DNM2: variants seen among roughly 807,000 people sequenced by gnomAD.
DNM2 encodes dynamin-2.
DNM2 carries 15 observed loss-of-function variants against 99.0 expected under a neutral mutation model. That is an observed-to-expected ratio of 0.15 (90% CI 0.10 to 0.23). The LOEUF is 0.23. Ranked by LOEUF, DNM2 falls within the 10% of genes least tolerant of loss-of-function variation. The pLI is 1.00. For synonymous variants in DNM2, 525 were observed against 481.2 expected (o/e 1.09, Z -1.19); for missense variants, 742 against 1,189.4 (o/e 0.62, Z 5.53).
At chr19:10,751,008 G>A (rs1174584278) in intron 1 of DNM2, among the ~76,000 whole-genome samples, 2 of 152,092 alleles carry the variant, frequency 1.3e-5, no homozygotes, top group African/African-American at 2.4e-5. Flanking sequence ...GGGGAGCTGT[G>A]TGTGAGCTCC....
At chr19:10,802,557 G>A (rs899553144) in intron 12 of DNM2, 199 bp downstream of exon 12, 37 of 667,552 alleles carry the variant, frequency 5.5e-5, no homozygotes, top group Non-Finnish European at 8.7e-5. Flanking sequence ...CAACCAACAC[G>A]CCTTCTGTGA....
chr19:10,739,501 A>G (rs1395113440), intron 1 of DNM2, among the ~76,000 whole-genome samples: 4 of 152,206 alleles, frequency 2.6e-5, no homozygotes, highest in Admixed American at 6.5e-5. Context: ...TATAAATGGA[A>G]TCTTACAGTA....
At chr19:10,800,508 G>A (rs537501184) in intron 11 of DNM2, among the ~76,000 whole-genome samples, 4 of 152,314 alleles carry the variant, frequency 2.6e-5, no homozygotes, top group South Asian at 2.1e-4. Flanking sequence ...CTGCCAGGCC[G>A]GATCTGAGAG....
intron 1 of DNM2, chr19:10,754,992 C>T (rs1246592921): frequency 6.6e-6 from 1 of 152,224 alleles, no homozygotes; most frequent in Non-Finnish European, 1.5e-5. Flanking sequence ...CCTTCTAGTC[C>T]ATTTCCCGAA....
intron 14 of DNM2, chr19:10,809,887 A>C (rs1276806956): frequency 6.6e-6 from 1 of 152,224 alleles, no homozygotes; most frequent in Non-Finnish European, 1.5e-5. Context: ...CAGTGACGGG[A>C]GGAATTAGTT....
intron 1 of DNM2, among the ~76,000 whole-genome samples, chr19:10,739,754 G>A (rs1041633002): frequency 6.6e-6 from 1 of 151,576 alleles, no homozygotes; most frequent in African/African-American, 2.4e-5. Context: ...TACTCTGGGT[G>A]GCTGAGGCAC....
chr19:10,752,799 G>C (rs1374819890), intron 1 of DNM2, among the ~76,000 whole-genome samples: 2 of 152,166 alleles, frequency 1.3e-5, no homozygotes, highest in South Asian at 2.1e-4. Context: ...GTCATTGCAG[G>C]GAGTTCAAGA....
intron 18 of DNM2, among the ~76,000 whole-genome samples, chr19:10,826,910 G>T (rs1027273253): frequency 6.6e-6 from 1 of 151,976 alleles, no homozygotes; most frequent in Non-Finnish European, 1.5e-5. Flanking sequence ...CTTGGGTTTT[G>T]TATATGAATG....
At chr19:10,783,997 G>A (rs999111478) in intron 6 of DNM2, among the ~76,000 whole-genome samples, 1 of 152,108 alleles carries the variant, frequency 6.6e-6, no homozygotes, top group Non-Finnish European at 1.5e-5. Flanking sequence ...ACCATGCCTG[G>A]CCTATCGTTC....
chr19:10,735,194 C>T (rs1313308991), intron 1 of DNM2, among the ~76,000 whole-genome samples: 1 of 152,140 alleles, frequency 6.6e-6, no homozygotes, highest in Non-Finnish European at 1.5e-5. Flanking sequence ...CAGGCTGCCA[C>T]CATGCCCGGC....
intron 1 of DNM2, among the ~76,000 whole-genome samples, chr19:10,737,522 C>G (rs561217986): frequency 1.6e-4 from 25 of 152,250 alleles, no homozygotes; most frequent in African/African-American, 4.8e-4. Context: ...GAGTCTTGCT[C>G]TGACTCCCAG....
At chr19:10,722,708 CT>C (rs1430227053) in intron 1 of DNM2, among the ~76,000 whole-genome samples, 1 of 151,896 alleles carries the variant, frequency 6.6e-6, no homozygotes, top group Non-Finnish European at 1.5e-5. Context: ...TCACTGCAGC[CT>C]TGACCTCCTG....
At chr19:10,782,064 G>A (rs559556858) in intron 5 of DNM2, among the ~76,000 whole-genome samples, 30 of 151,986 alleles carry the variant, frequency 2.0e-4, no homozygotes, top group African/African-American at 6.3e-4. Context: ...ACAAGGCCTC[G>A]CTCTGTTGCC....
chr19:10,809,792 G>A (rs2072476708), intron 14 of DNM2: 1 of 152,344 alleles, frequency 6.6e-6, no homozygotes, highest in Non-Finnish European at 1.5e-5. Context: ...GGCAATCCCA[G>A]GGTCTTTCTT....
chr19:10,814,200 C>T (rs535229767), intron 15 of DNM2, among the ~76,000 whole-genome samples: 3 of 151,714 alleles, frequency 2.0e-5, no homozygotes, highest in Non-Finnish European at 4.4e-5. Context: ...CGCAGTGGCT[C>T]ACGCCATTAA....
At chr19:10,829,992 T>A in intron 19 of DNM2, 135 bp from the exon 20 acceptor site, 1 of 1,325,330 alleles carries the variant, frequency 7.5e-7, no homozygotes, top group Non-Finnish European at 1.1e-6. Flanking sequence ...GCGCTCAGGT[T>A]GGGGTGGGAG....
chr19:10,790,526 G>A (rs948603783), intron 7 of DNM2, among the ~76,000 whole-genome samples: 3 of 151,974 alleles, frequency 2.0e-5, no homozygotes, highest in Non-Finnish European at 4.4e-5. Context: ...AGGCTGAAGC[G>A]CAGTGGCATG....
intron 1 of DNM2, among the ~76,000 whole-genome samples, chr19:10,724,906 T>G (rs1849301677): frequency 6.6e-6 from 1 of 152,150 alleles, no homozygotes; most frequent in Non-Finnish European, 1.5e-5. Flanking sequence ...TTATTTGGCC[T>G]TTGGTGATGT....
chr19:10,774,780 T>A (rs2071096893), intron 3 of DNM2, among the ~76,000 whole-genome samples: 1 of 118,886 alleles, frequency 8.4e-6, no homozygotes, highest in African/African-American at 3.2e-5. Context: ...TATATATTTA[T>A]TTTTTTTTTT....
Sources: allele counts gnomAD v4.1 joint callset (sites outside exome capture counted in the v4.1 genomes callset), GRCh38; gene constraint gnomAD v4.1.1; transcripts MANE v1.5; gene names NCBI Gene and HGNC (gene_info 2026-07-23, HGNC 2026-07-21).